ZNF438: variants seen among roughly 807,000 people sequenced by gnomAD.
The protein encoded by ZNF438 is zinc finger protein 438.
A neutral mutation model predicts 38.0 loss-of-function variants in ZNF438; 25 were observed. The ratio of observed to expected loss-of-function variants is 0.66; its 90% CI spans 0.48 to 0.92. The LOEUF is 0.92. Ranked by LOEUF, ZNF438 falls within the 40% of genes least tolerant of loss-of-function variation. The pLI, the probability that ZNF438 is intolerant of heterozygous loss-of-function variation, is 0.00. For missense variants in ZNF438, 1,007 were observed against 999.6 expected (o/e 1.01, Z -0.10); for synonymous variants, 372 against 364.1 (o/e 1.02, Z -0.25).
chr10:30,929,185 A>T (rs2045324001), intron 2 of ZNF438, among the ~76,000 whole-genome samples: 1 of 152,188 alleles, frequency 6.6e-6, no homozygotes, highest in South Asian at 2.1e-4. Flanking sequence ...AAGGTCGGCA[A>T]ATCAAGACTG....
intron 3 of ZNF438, among the ~76,000 whole-genome samples, chr10:30,891,228 T>C (rs1276719219): frequency 6.6e-6 from 1 of 152,178 alleles, no homozygotes; most frequent in African/African-American, 2.4e-5. Flanking sequence ...TCTGCTCTCT[T>C]TTTTTCCCCC....
chr10:30,899,749 T>C (rs1463023285), intron 3 of ZNF438, among the ~76,000 whole-genome samples: 1 of 152,138 alleles, frequency 6.6e-6, no homozygotes, highest in Non-Finnish European at 1.5e-5. Context: ...TGTATAGTTT[T>C]TGGCATGTAT....
intron 1 of ZNF438, among the ~76,000 whole-genome samples, chr10:31,002,417 T>C (rs1232514531): frequency 6.6e-6 from 1 of 152,200 alleles, no homozygotes; most frequent in Non-Finnish European, 1.5e-5. Context: ...TTTTTTTCAT[T>C]GTAAATAAAC....
intron 1 of ZNF438, among the ~76,000 whole-genome samples, chr10:30,945,350 T>C (rs2047265064): frequency 6.6e-6 from 1 of 151,578 alleles, no homozygotes; most frequent in South Asian, 2.1e-4. Context: ...GTTTTCTTAA[T>C]GATTAGTATC....
chr10:30,859,028 A>G (rs1302712990), intron 4 of ZNF438, among the ~76,000 whole-genome samples: 3 of 152,206 alleles, frequency 2.0e-5, no homozygotes, highest in Admixed American at 6.5e-5. Context: ...TGCAAAATAT[A>G]TAACATGCAT....
At chr10:30,884,605 A>G (rs2039709502) in intron 3 of ZNF438, among the ~76,000 whole-genome samples, 1 of 152,222 alleles carries the variant, frequency 6.6e-6, no homozygotes. Context: ...TCTATCAGAA[A>G]GGAATAAAAT....
intron 1 of ZNF438, among the ~76,000 whole-genome samples, chr10:30,957,070 T>A (rs1165648440): frequency 6.6e-6 from 1 of 152,240 alleles, no homozygotes; most frequent in African/African-American, 2.4e-5. Flanking sequence ...ATTGTCTTTT[T>A]GGTAATAGCC....
At chr10:31,032,300 C>G (rs1449636529), upstream of ZNF438, among the ~76,000 whole-genome samples, 4 of 152,210 alleles carry the variant, frequency 2.6e-5, no homozygotes, top group African/African-American at 9.7e-5. Context: ...CGTGTGGAAA[C>G]AGCCATTTGC....
chr10:30,963,611 C>T lies in ZNF438; in HGVS notation c.-191-21960G>A, dbSNP rs182813181. ...CAATGAGGCCAGGCCCTGTGGCTCA[C>T]GCCTGTAATCCCAGCACTTTGGGAG... is the stretch of plus-strand genomic sequence containing the variant. On this transcript the variant is annotated intron_variant, in intron 1 of 5. Transcript: ENST00000413025. 5.1e-3 allele frequency among the ~76,000 whole-genome samples: 770 copies of T among 152,068 alleles called. 12 individuals are homozygous for T. Among genetic ancestry groups the T allele is most frequent in the Non-Finnish European group, 5.4e-3 (364 of 67,994 alleles).
At chr10:30,989,813 A>T (rs2053274401) in intron 1 of ZNF438, among the ~76,000 whole-genome samples, 1 of 152,226 alleles carries the variant, frequency 6.6e-6, no homozygotes, top group Non-Finnish European at 1.5e-5. Context: ...GAAGATTTAA[A>T]CACACTATCA....
intron 1 of ZNF438, among the ~76,000 whole-genome samples, chr10:30,992,693 G>A (rs545953651): frequency 1.8e-4 from 28 of 152,336 alleles, no homozygotes; most frequent in African/African-American, 5.8e-4. Context: ...GATTACAGGC[G>A]TGAGCCACCG....
chr10:30,988,337 A>T (rs896688236), intron 1 of ZNF438, among the ~76,000 whole-genome samples: 1 of 152,144 alleles, frequency 6.6e-6, no homozygotes, highest in Non-Finnish European at 1.5e-5. Context: ...GCAATCACAA[A>T]ATGCAACCTG....
intron 3 of ZNF438, among the ~76,000 whole-genome samples, chr10:30,878,459 G>A (rs1023381780): frequency 1.3e-5 from 2 of 152,012 alleles, no homozygotes; most frequent in African/African-American, 2.4e-5. Flanking sequence ...TCTCCACTGA[G>A]AGACATCCAT....
At chr10:30,904,890 AT>A (rs2042417170) in intron 3 of ZNF438, among the ~76,000 whole-genome samples, 1 of 152,190 alleles carries the variant, frequency 6.6e-6, no homozygotes, top group African/African-American at 2.4e-5. Flanking sequence ...AGGTTCAGAT[AT>A]CCCTGTTAAT....
rs145380233 is a variant in ZNF438 at position 31,018,022 on chromosome 10, T to G, written c.-192+13811A>C. Among the ~76,000 whole-genome samples, 376 of 152,350 alleles carry G rather than the reference T, an allele frequency of 2.5e-3. 2 individuals are homozygous for G. Among genetic ancestry groups the G allele is most frequent in the African/African-American group, 8.9e-3 (369 of 41,578 alleles). The stretch of plus-strand genomic sequence containing the variant: ...TGTTGTAAGGAACTGAGATTTTGTA[T>G]GTATAACTGAAGCTTTTACATAGTT... On this transcript the variant is annotated intron_variant, in intron 1 of 5. Transcript: ENST00000413025.
chr10:31,006,183 C>A (rs2055108584), intron 1 of ZNF438, among the ~76,000 whole-genome samples: 1 of 152,188 alleles, frequency 6.6e-6, no homozygotes, highest in African/African-American at 2.4e-5. Flanking sequence ...TGACTGATGG[C>A]TGGCAGTCCC....
chr10:30,920,638 G>A (rs541752761), intron 2 of ZNF438: 28 of 152,248 alleles, frequency 1.8e-4, no homozygotes, highest in African/African-American at 6.5e-4. Context: ...TCGAACTAAA[G>A]AACCCAAATC....
chr10:30,900,414 A>G (rs2041845564), intron 3 of ZNF438, among the ~76,000 whole-genome samples: 1 of 152,154 alleles, frequency 6.6e-6, no homozygotes, highest in South Asian at 2.1e-4. Flanking sequence ...GAAAACCACC[A>G]CCACCAATAA....
chr10:30,939,871 GA>G (rs1203668892), intron 2 of ZNF438, among the ~76,000 whole-genome samples: 1 of 152,204 alleles, frequency 6.6e-6, no homozygotes, highest in Non-Finnish European at 1.5e-5. Flanking sequence ...TGGTACCAGT[GA>G]GTTAAATAGT....
Sources: allele counts gnomAD v4.1 joint callset (sites outside exome capture counted in the v4.1 genomes callset), GRCh38; gene constraint gnomAD v4.1.1; transcripts MANE v1.5; gene names NCBI Gene and HGNC (gene_info 2026-07-23, HGNC 2026-07-21).